The following PTGS1 variants were observed in gnomAD, a reference collection of about 807,000 sequenced individuals.
The protein encoded by PTGS1 is prostaglandin G/H synthase 1.
In PTGS1, 40 loss-of-function variants were observed where a neutral mutation model predicts 63.0. The observed-to-expected ratio is 0.63, with a 90% CI of 0.49 to 0.83. The LOEUF (loss-of-function observed/expected upper bound fraction) is 0.83, where lower values mean the gene tolerates loss of function less well. PTGS1 is among the 40% of genes least tolerant of loss of function. The pLI is 0.00. For synonymous variants in PTGS1, 298 were observed against 301.9 expected (o/e 0.99, Z 0.13); for missense variants, 709 against 786.5 (o/e 0.90, Z 1.18).
rs553922010 is a variant in PTGS1, at chr9:122,376,222, C to T, written c.95-1677C>T. 2.6e-5 allele frequency among the ~76,000 whole-genome samples: 4 copies of T among 152,268 alleles called. No individual in the cohort carries two copies. In the South Asian group the frequency reaches 8.3e-4, roughly 32 times the overall value. ...TTTGCCTGTGGCTGCCTGATAAAGCCTTTTTGTCCAGCCTTCTTCCCCTGA... is the reference window on the plus strand; with the variant it reads ...TTTGCCTGTGGCTGCCTGATAAAGCTTTTTTGTCCAGCCTTCTTCCCCTGA... On this transcript the variant is annotated intron_variant, in intron 2 of 10. Transcript: ENST00000362012.
chr9:122,383,447 T>C, intron 7 of PTGS1, 62 bp from the exon 8 acceptor site: 1 of 1,540,018 alleles, frequency 6.5e-7, no homozygotes, highest in Non-Finnish European at 8.8e-7. Context: ...TGGGAGGGAG[T>C]TGGTTGTGGG....
rs199581775 is a variant in PTGS1 at position 122,392,424 on chromosome 9, G to A, written c.1680G>A (p.Thr560=). 1.9e-5 allele frequency: 31 copies of A among 1,614,114 alleles called. No individual in the cohort carries two copies. The highest frequency in any genetic ancestry group is 3.3e-4 in the Middle Eastern group (2 of 6,062). ...AGGTGGGCTTTAACATTGTCAAGAC[G>A]GCCACACTGAAGAAGCTGGTCTGCC... ...GGEVGFNIVK[T]ATLKKLVCLN... The change falls in exon 11 of 11, where the codon ACG becomes ACA. Residue 560 remains threonine, a synonymous_variant. Coordinates refer to ENST00000362012, the MANE Select transcript of PTGS1 (RefSeq NM_000962.4).
chr9:122,374,876 G>T (rs1476160544), intron 2 of PTGS1, among the ~76,000 whole-genome samples: 1 of 152,168 alleles, frequency 6.6e-6, no homozygotes, highest in African/African-American at 2.4e-5. Context: ...ATTAAGTCTT[G>T]GCTCCGCAAC....
intron 8 of PTGS1, among the ~76,000 whole-genome samples, chr9:122,385,115 G>A (rs1265236056): frequency 1.3e-5 from 2 of 152,108 alleles, no homozygotes; most frequent in Admixed American, 6.5e-5. Flanking sequence ...CCGCCACCAT[G>A]CCTGGCTAAT....
chr9:122,392,390 T>C lies in PTGS1; in HGVS notation c.1646T>C (p.Phe549Ser). Residue 549 changes from phenylalanine to serine, a missense_variant, in exon 11 of 11, where the codon TTT becomes TCT. Phe to Ser is a radical substitution (Grantham distance 155). Coordinates refer to ENST00000362012, the MANE Select transcript of PTGS1 (RefSeq NM_000962.4). ...CSPEYWKPST[F>S]GGEVGFNIVK... is the part of the protein sequence containing the mutation. Reference sequence around the variant, plus strand: ...CCGGAGTACTGGAAGCCGAGCACATTTGGCGGCGAGGTGGGCTTTAACATT... The same window carrying C: ...CCGGAGTACTGGAAGCCGAGCACATCTGGCGGCGAGGTGGGCTTTAACATT... 1 of 1,614,064 alleles carries C rather than the reference T, an allele frequency of 6.2e-7. No individual in the cohort carries two copies. Among genetic ancestry groups the C allele is most frequent in the South Asian group, 1.1e-5 (1 of 91,080 alleles).
intron 2 of PTGS1, 128 bp from the exon 3 acceptor site, chr9:122,377,771 A>C (rs1588123368): frequency 1.3e-6 from 1 of 775,250 alleles, no homozygotes; most frequent in East Asian, 2.6e-5. Context: ...AAGCCCTGGC[A>C]CCCAGTGATT....
In PTGS1 at chr9:122,381,519, G is replaced by T. The variant is rs1251062591; in HGVS notation, c.645G>T (p.Met215Ile). Residue 215 changes from methionine to isoleucine, a missense_variant, in exon 6 of 11, where the codon ATG becomes ATT. Coordinates refer to ENST00000362012, the MANE Select transcript of PTGS1 (RefSeq NM_000962.4). ...AGTTCTTCAAAACTTCTGGCAAGAT[G>T]GGTCCTGGCTTCACCAAGGCCTTGG... ...THQFFKTSGK[M>I]GPGFTKALGH... The T allele has an allele frequency of 6.2e-7, 1 of 1,614,074 alleles. No individual in the cohort carries two copies. The highest frequency in any genetic ancestry group is 8.5e-7 in the Non-Finnish European group (1 of 1,180,042).
At chr9:122,375,368 C>G (rs796232234) in intron 2 of PTGS1, 1 of 985,460 alleles carries the variant, frequency 1.0e-6, no homozygotes, top group African/African-American at 1.7e-5. Context: ...AGGGCCATGG[C>G]GGGAGGCCTT....
At chr9:122,379,477 G>A in intron 5 of PTGS1, among the ~76,000 whole-genome samples, 1 of 152,224 alleles carries the variant, frequency 6.6e-6, no homozygotes, top group East Asian at 1.9e-4. Flanking sequence ...GGACAAGAGA[G>A]GCTCATCAGT....
intron 2 of PTGS1, 80 bp from the exon 3 acceptor site, chr9:122,377,819 C>G: frequency 7.8e-7 from 1 of 1,274,630 alleles, no homozygotes; most frequent in Middle Eastern, 1.9e-4. Flanking sequence ...GCCTCTGGCC[C>G]CTCATTCCCC....
intron 8 of PTGS1, among the ~76,000 whole-genome samples, chr9:122,384,090 T>C (rs4836885): frequency 0.25 from 38,192 of 152,026 alleles, 7,340 homozygotes; most frequent in African/African-American, 0.53. Flanking sequence ...CGGTTTCCCC[T>C]GTGTGCTGCG....
chr9:122,390,693 C>CAGGATGGTCAG (rs1838167869), intron 10 of PTGS1, among the ~76,000 whole-genome samples: 1 of 151,998 alleles, frequency 6.6e-6, no homozygotes, highest in African/African-American at 2.4e-5. Flanking sequence ...GTCAGGAAAT[C>CAGGATGGTCAG]GAGACCATCC....
intron 2 of PTGS1, chr9:122,371,824 A>G: frequency 6.5e-7 from 1 of 1,531,732 alleles, no homozygotes; most frequent in Non-Finnish European, 8.7e-7. Flanking sequence ...AAATGAGGAA[A>G]CCGAGGCTCA....
intron 9 of PTGS1, among the ~76,000 whole-genome samples, chr9:122,387,546 TAAG>T (rs1333161765): frequency 2.0e-5 from 3 of 152,184 alleles, no homozygotes; most frequent in South Asian, 2.1e-4. Flanking sequence ...GTGTGACTTA[TAAG>T]AAGAAGAGAT....
At chr9:122,386,292 G>T (rs10306160) in intron 8 of PTGS1, among the ~76,000 whole-genome samples, 154 bp from the exon 9 acceptor site, 8,952 of 152,106 alleles carry the variant, frequency 0.059, 819 homozygotes, top group African/African-American at 0.2. Context: ...GACAGACCAA[G>T]ACCTTGTCTG....
chr9:122,384,451 T>G (rs766241706), intron 8 of PTGS1, among the ~76,000 whole-genome samples: 3 of 152,066 alleles, frequency 2.0e-5, no homozygotes, highest in Non-Finnish European at 4.4e-5. Flanking sequence ...GCATTGGGAA[T>G]AGGAACAGTC....
intron 2 of PTGS1, among the ~76,000 whole-genome samples, chr9:122,374,310 C>T (rs1014347810): frequency 2.6e-5 from 4 of 152,122 alleles, no homozygotes; most frequent in Non-Finnish European, 2.9e-5. Context: ...ATTGGCTCTA[C>T]CCAGAGTAGA....
chr9:122,391,430 T>TATATATAC (rs1564147751), intron 10 of PTGS1, among the ~76,000 whole-genome samples: 35 of 25,372 alleles, frequency 1.4e-3, no homozygotes, highest in East Asian at 4.2e-3. Flanking sequence ...TATATATACA[T>TATATATAC]ATATATATAT....
intron 10 of PTGS1, among the ~76,000 whole-genome samples, chr9:122,391,879 T>C (rs1838306829): frequency 6.6e-6 from 1 of 152,036 alleles, no homozygotes; most frequent in African/African-American, 2.4e-5. Flanking sequence ...GATGATCAGG[T>C]AATTAGGGCC....
Sources: gnomAD v4.1 joint callset for allele counts (sites outside exome capture counted in the v4.1 genomes callset) on GRCh38, gnomAD v4.1.1 for gene constraint, MANE v1.5 for transcripts, NCBI Gene and HGNC (gene_info 2026-07-23, HGNC 2026-07-21) for gene names.